Variants in NEU4 observed in about 807,000 individuals in gnomAD.
NEU4 encodes the protein neuraminidase 4, also known as sialidase-4.
In NEU4, 7 loss-of-function variants were observed where a neutral mutation model predicts 9.9. The ratio of observed to expected loss-of-function variants is 0.71; its 90% CI spans 0.40 to 1.33. The LOEUF (loss-of-function observed/expected upper bound fraction) is 1.33. NEU4 is among the 40% of genes most tolerant of loss of function. The pLI is 0.01. For missense variants in NEU4, 717 were observed against 712.6 expected, an observed-to-expected ratio of 1.01 and a Z score of -0.07; for synonymous variants, 348 against 316.9, an observed-to-expected ratio of 1.10 and a Z score of -1.04.
At chr2:241,813,765 C>A in intron 1 of NEU4, 1 of 327,672 alleles carries the variant, frequency 3.1e-6, no homozygotes, top group Non-Finnish European at 6.3e-6. Context: ...AAGCACCTGT[C>A]CCCTGCAGGA....
chr2:241,811,121 G>A (rs1167631514), intron 1 of NEU4: 4 of 1,208,444 alleles, frequency 3.3e-6, no homozygotes, highest in East Asian at 3.4e-5. Flanking sequence ...CCCTCTGGGA[G>A]GTCAACTGCG....
chr2:241,815,995 G>GC, intron 3 of NEU4, 56 bp from the exon 4 acceptor site: 4 of 1,486,142 alleles, frequency 2.7e-6, no homozygotes, highest in South Asian at 2.6e-5. Flanking sequence ...CCTTCCTCCA[G>GC]CCCCCCGACC....
In NEU4 at chr2:241,812,455, G is replaced by C. The variant is rs888378898; in HGVS notation, c.-3-2027G>C. On this transcript the variant is annotated intron_variant, in intron 1 of 3. Coordinates refer to ENST00000407683, the MANE Select transcript of NEU4 (RefSeq NM_001167600.3). ...GAATGTGCTGAACTGGCTACACTGA[G>C]CGGGGCTGGCCTCCGAGACAGAGGG... is the stretch of plus-strand genomic sequence containing the variant. Among the ~76,000 whole-genome samples, 39 of 32,554 alleles carry C rather than the reference G, an allele frequency of 1.2e-3. 1 individual carries two copies. The highest frequency in any genetic ancestry group is 2.8e-3 in the African/African-American group (37 of 13,138). The allele number at this position is 32,554 out of a possible 152,430, so 21.4% of individuals were successfully genotyped here.
At chr2:241,811,288 CTG>C in intron 1 of NEU4, 1 of 1,292,176 alleles carries the variant, frequency 7.7e-7, no homozygotes, top group Non-Finnish European at 9.9e-7. Context: ...ACCCCTGGCC[CTG>C]CTCTGGGCTT....
At chr2:241,814,752 G>A in intron 2 of NEU4, 67 bp downstream of exon 2, 3 of 1,507,576 alleles carry the variant, frequency 2.0e-6, no homozygotes, top group Non-Finnish European at 8.9e-7. Flanking sequence ...CACACCCCGG[G>A]ATGGGGCGGG....
intron 1 of NEU4, chr2:241,810,020 C>T (rs148710832): frequency 0.032 from 4,930 of 152,308 alleles, 111 homozygotes; most frequent in South Asian, 0.075. Flanking sequence ...TTGGGGGACA[C>T]GAGAAGGGAG....
In NEU4 at chr2:241,816,295, C is replaced by T. The variant is rs1006366147; in HGVS notation, c.702C>T (p.Gly234=). The T allele has an allele frequency of 3.2e-6, 5 of 1,576,418 alleles. No individual in the cohort carries two copies. In the African/African-American group the frequency reaches 6.8e-5, roughly 21 times the overall value. Residue 234 remains glycine (G), a synonymous_variant, in exon 4 of 4, where the codon GGC becomes GGT. Coordinates refer to ENST00000407683, the MANE Select transcript of NEU4 (RefSeq NM_001167600.3). ...QLAAVDGGQA[G]SFLYCNARSP... Reference sequence around the variant, plus strand: ...CAGCGGTGGACGGTGGGCAGGCCGGCAGCTTCCTCTACTGCAATGCCCGGA... The same window carrying T: ...CAGCGGTGGACGGTGGGCAGGCCGGTAGCTTCCTCTACTGCAATGCCCGGA...
At chr2:241,814,253 C>T (rs2125214586) in intron 1 of NEU4, 1 of 629,870 alleles carries the variant, frequency 1.6e-6, no homozygotes, top group East Asian at 2.8e-5. Flanking sequence ...GCTGATTCCA[C>T]AGACATTTGG....
At chr2:241,815,581 C>T (rs1332165977) in intron 3 of NEU4, 2 of 505,958 alleles carry the variant, frequency 4.0e-6, no homozygotes, top group South Asian at 3.1e-5. Context: ...AGCTCCCAAA[C>T]CAACAGCCAC....
chr2:241,811,972 C>T (rs1300210444), intron 1 of NEU4: 1 of 156,522 alleles, frequency 6.4e-6, no homozygotes, highest in Non-Finnish European at 1.4e-5. Context: ...CAAAGGGCCT[C>T]TGCACTTTAT....
chr2:241,809,387 C>A (rs924342120), intron 1 of NEU4, 113 bp downstream of exon 1: 1 of 507,590 alleles, frequency 2.0e-6, no homozygotes, highest in Non-Finnish European at 3.3e-6. Context: ...TGAGAAGGGG[C>A]GGTTAAAATG....
At position 241,816,720 on chromosome 2, in the gene NEU4, C is replaced by T. The variant is rs953037806; in HGVS notation, c.1127C>T (p.Thr376Met). ...TTTGCTGCCCCGCCCCAGAGCCCCA[C>T]GTGGCTGCTGTACTCCCACCCAGTG... Reference protein sequence around the residue: ...MPFAAPPQSPTWLLYSHPVGR... With the variant: ...MPFAAPPQSPMWLLYSHPVGR... Residue 376 changes from threonine (T) to methionine (M), a missense_variant, in exon 4 of 4, where the codon ACG becomes ATG. By Grantham distance (81) the Thr-to-Met change is moderately conservative. Transcript: ENST00000407683. 9.0e-6 allele frequency: 14 copies of T among 1,553,156 alleles called. No individual in the cohort carries two copies. The highest frequency in any genetic ancestry group is 5.8e-5 in the Admixed American group (3 of 51,994).
intron 1 of NEU4, among the ~76,000 whole-genome samples, chr2:241,812,591 A>G (rs1043026328): frequency 6.0e-3 from 246 of 41,068 alleles, no homozygotes; most frequent in African/African-American, 0.017. Context: ...CTGGTCCCCC[A>G]AGACAGAGGG....
intron 1 of NEU4, chr2:241,814,271 T>G (rs1700226227): frequency 9.9e-6 from 6 of 606,536 alleles, no homozygotes; most frequent in East Asian, 2.8e-5. Context: ...TGGGGTGGAG[T>G]GGGTGCGAGG....
chr2:241,814,439 C>T, intron 1 of NEU4, 43 bp from the exon 2 acceptor site: 1 of 1,581,008 alleles, frequency 6.3e-7, no homozygotes, highest in Non-Finnish European at 8.7e-7. Flanking sequence ...GTGGGGCTCC[C>T]TGGGCCTGTC....
At position 241,811,489 on chromosome 2, in the gene NEU4, C is replaced by CA. The variant is rs767104074; in HGVS notation, c.-4+2216dup. 1.9e-5 allele frequency: 29 copies of CA among 1,515,842 alleles called. 3 individuals are homozygous for CA. The South Asian group carries it at 3.1e-4, about 16-fold the overall frequency. 93.9% of individuals were successfully genotyped at this position (1,515,842 alleles called of 1,614,324 possible). On this transcript the variant is annotated intron_variant, in intron 1 of 3. Coordinates refer to ENST00000407683, the MANE Select transcript of NEU4 (RefSeq NM_001167600.3). ...GAGTCCCTGCCCTTTGCACCCCCAG[C>CA]ACCCTCACCCCTCTACCCGGGCGCC...
chr2:241,816,146 G>C lies in NEU4; in HGVS notation c.553G>C (p.Glu185Gln), dbSNP rs1265232152. The C allele has an allele frequency of 6.2e-7, 1 of 1,612,536 alleles. No individual in the cohort carries two copies. The highest frequency in any genetic ancestry group is 1.7e-5 in the Admixed American group (1 of 59,958). ...PAYTYRVDRR[E>Q]CFGKICRTSP... ...CTACACCTACCGCGTGGACCGCCGA[G>C]AGTGTTTTGGCAAGATCTGCCGGAC... Residue 185 changes from glutamate to glutamine, a missense_variant, in exon 4 of 4, where the codon GAG becomes CAG. By Grantham distance (29) the Glu-to-Gln change is conservative (BLOSUM62 2). Coordinates refer to ENST00000407683, the MANE Select transcript of NEU4 (RefSeq NM_001167600.3).
In NEU4 at chr2:241,815,140, C is replaced by G. The variant is rs533165662; in HGVS notation, c.450C>G (p.Ala150=). Residue 150 remains alanine, a synonymous_variant, in exon 3 of 4, where the codon GCC becomes GCG. Transcript: ENST00000407683. Reference sequence around the variant, plus strand: ...TCACCGAGGAGGCCATCGGTGGTGCCGTGCAGGGTAGGCGGGCAGGGTGCC... The same window carrying G: ...TCACCGAGGAGGCCATCGGTGGTGCGGTGCAGGGTAGGCGGGCAGGGTGCC... The part of the protein sequence containing the change: ...RDLTEEAIGG[A]VQDWATFAVG... 1.9e-6 allele frequency: 3 copies of G among 1,556,592 alleles called. No homozygotes were observed. The highest frequency in any genetic ancestry group is 1.3e-5 in the African/African-American group (1 of 74,104).
At chr2:241,811,467 T>G in intron 1 of NEU4, 1 of 1,562,796 alleles carries the variant, frequency 6.4e-7, no homozygotes, top group Non-Finnish European at 8.7e-7. Flanking sequence ...GGCTGGTGAG[T>G]CCCTGCCCTT....
Sources: gnomAD v4.1 joint callset for allele counts (sites outside exome capture counted in the v4.1 genomes callset) on GRCh38, gnomAD v4.1.1 for gene constraint, MANE v1.5 for transcripts, NCBI Gene and HGNC (gene_info 2026-07-23, HGNC 2026-07-21) for gene names.